The following CASP2 variants were observed in gnomAD, a reference collection of about 807,000 sequenced individuals.
CASP2 encodes the protein caspase-2.
Under a neutral mutation model 54.4 loss-of-function variants are expected in CASP2, and 38 were observed. The observed-to-expected ratio is 0.70, with a 90% CI of 0.54 to 0.92. CASP2 has a LOEUF of 0.92. CASP2 is among the 40% of genes least tolerant of loss of function. The pLI, the probability that CASP2 is intolerant of heterozygous loss-of-function variation, is 0.00. For missense variants in CASP2, 512 were observed against 579.6 expected (o/e 0.88, Z 1.20); for synonymous variants, 215 against 216.3 (o/e 0.99, Z 0.05).
intron 8 of CASP2, chr7:143,300,959 A>G: frequency 1.0e-6 from 1 of 999,876 alleles, no homozygotes; most frequent in African/African-American, 1.7e-5. Context: ...AAATAATAGT[A>G]ATTAAGAGCC....
chr7:143,302,321 C>G (rs1719948039), intron 8 of CASP2: 1 of 152,168 alleles, frequency 6.6e-6, no homozygotes, highest in South Asian at 2.1e-4. Context: ...AGTAATTGCT[C>G]TTTTCTGGAG....
intron 1 of CASP2, among the ~76,000 whole-genome samples, chr7:143,289,976 T>C (rs908630407): frequency 6.6e-6 from 1 of 151,610 alleles, no homozygotes; most frequent in Non-Finnish European, 1.5e-5. Context: ...TCTCACCCAA[T>C]AGCATCTGCA....
intron 8 of CASP2, chr7:143,302,419 T>G (rs4647327): frequency 1.3e-5 from 2 of 152,156 alleles, no homozygotes; most frequent in African/African-American, 4.8e-5. Context: ...CCATTGAAAA[T>G]TTGAGTTCAC....
chr7:143,292,998 G>A (rs897821535), intron 4 of CASP2: 8 of 600,230 alleles, frequency 1.3e-5, no homozygotes, highest in Non-Finnish European at 2.1e-5. Context: ...CCAACAGAGT[G>A]AGACTCAGTC....
intron 4 of CASP2, chr7:143,293,152 GGGTCTT>G: frequency 1.6e-6 from 1 of 643,654 alleles, no homozygotes; most frequent in Non-Finnish European, 2.7e-6. Context: ...TTCAGAAATA[GGGTCTT>G]GTTCTGTCAC....
intron 6 of CASP2, among the ~76,000 whole-genome samples, chr7:143,297,661 G>A (rs1005695690): frequency 3.3e-5 from 5 of 151,936 alleles, no homozygotes; most frequent in Non-Finnish European, 7.4e-5. Context: ...TGGTCAGGCT[G>A]GTCTCAAACT....
intron 6 of CASP2, among the ~76,000 whole-genome samples, chr7:143,295,028 CTTT>C (rs759124235): frequency 7.0e-6 from 1 of 142,474 alleles, no homozygotes; most frequent in African/African-American, 2.6e-5. Context: ...TGGTGTCTCA[CTTT>C]TTTTTTTTTT....
chr7:143,299,063 G>A (rs1315144215), intron 6 of CASP2, among the ~76,000 whole-genome samples: 1 of 151,808 alleles, frequency 6.6e-6, no homozygotes, highest in Non-Finnish European at 1.5e-5. Context: ...AGGCTCCAGT[G>A]ATCCCTCCAC....
intron 4 of CASP2, chr7:143,293,358 C>A: frequency 2.3e-6 from 1 of 427,652 alleles, no homozygotes; most frequent in Non-Finnish European, 4.1e-6. Flanking sequence ...AAACTTCTGG[C>A]CTCAAATGAT....
intron 4 of CASP2, 67 bp downstream of exon 4, chr7:143,292,765 C>G: frequency 7.6e-7 from 1 of 1,316,456 alleles, no homozygotes; most frequent in Non-Finnish European, 1.1e-6. Flanking sequence ...AATCCCAGCA[C>G]TTTGCGGGGC....
intron 1 of CASP2, among the ~76,000 whole-genome samples, chr7:143,289,060 G>T (rs1254664419): frequency 6.6e-6 from 1 of 152,166 alleles, no homozygotes; most frequent in Non-Finnish European, 1.5e-5. Context: ...CAGAACAAGG[G>T]GGTTCCTGTG....
At chr7:143,301,005 C>G in intron 8 of CASP2, 1 of 822,158 alleles carries the variant, frequency 1.2e-6, no homozygotes, top group Non-Finnish European at 1.5e-6. Context: ...TCACCATTTA[C>G]TAGTAACGTG....
Position 143,306,638 on chromosome 7 carries a change from G to C in CASP2, c.*1567G>C, listed in dbSNP as rs995675056. On this transcript the variant is annotated 3_prime_UTR_variant, in exon 11 of 11. Coordinates refer to ENST00000310447, the MANE Select transcript of CASP2 (RefSeq NM_032982.4). The stretch of plus-strand genomic sequence containing the variant: ...TGTTCTCACATAACAGAGTAGTTTT[G>C]GTTTTTAATTTTTTTTGGTTGTTTG... 3 of 149,314 alleles carry C rather than the reference G, an allele frequency of 2.0e-5. No individual in the cohort carries two copies. Among genetic ancestry groups the C allele is most frequent in the Admixed American group, 1.3e-4 (2 of 14,982 alleles). The allele number at this position is 149,314 out of a possible 1,614,324, so 9.2% of individuals were successfully genotyped here. A position where few individuals can be genotyped will look rare whatever the true frequency, so the allele number is the denominator to read the frequency against.
In CASP2 at chr7:143,306,066, T is replaced by C. The variant is rs1327338293; in HGVS notation, c.*995T>C. Reference sequence around the variant, plus strand: ...ACCAAATCTGTCTAGAATCCTGCTTTACAGGATCATGTAAATGCTCAAAGA... The same window carrying C: ...ACCAAATCTGTCTAGAATCCTGCTTCACAGGATCATGTAAATGCTCAAAGA... On this transcript the variant is annotated 3_prime_UTR_variant, in exon 11 of 11. Transcript: ENST00000310447. 1 of 152,204 alleles carries C rather than the reference T, an allele frequency of 6.6e-6. No homozygotes were observed. Among genetic ancestry groups the C allele is most frequent in the African/African-American group, 2.4e-5 (1 of 41,426 alleles). 9.4% of individuals were successfully genotyped at this position (152,204 alleles called of 1,614,324 possible).
Position 143,300,023 on chromosome 7 carries a change from T to C in CASP2, c.848T>C (p.Ile283Thr). 1 of 1,614,072 alleles carries C rather than the reference T, an allele frequency of 6.2e-7. No homozygotes were observed. The highest frequency in any genetic ancestry group is 8.5e-7 in the Non-Finnish European group (1 of 1,180,010). ...CTCTCGCATGGTGTGGAGGGCGCCA[T>C]CTATGGTGTGGATGGGAAACTGCTC... ...ALLSHGVEGA[I>T]YGVDGKLLQL... is the part of the protein sequence containing the mutation. Residue 283 changes from isoleucine to threonine, a missense_variant, in exon 7 of 11, where the codon ATC becomes ACC. By Grantham distance (89) the Ile-to-Thr change is moderately conservative. This residue lies in a region of CASP2 where 417 missense variants were observed against 495.4 expected (regional missense o/e 0.84). Transcript: ENST00000310447.
intron 8 of CASP2, 161 bp from the exon 9 acceptor site, chr7:143,303,623 T>A: frequency 7.5e-6 from 2 of 265,568 alleles, no homozygotes; most frequent in African/African-American, 2.3e-5. Context: ...GAGTAATAAT[T>A]TTTTTTTTTT....
chr7:143,292,476 C>A lies in CASP2; in HGVS notation c.393+9C>A. 6.2e-7 allele frequency: 1 copy of A among 1,614,016 alleles called. No homozygotes were observed. The highest frequency in any genetic ancestry group is 8.5e-7 in the Non-Finnish European group (1 of 1,179,918). On this transcript the variant is annotated intron_variant, in intron 3 of 10. Coordinates refer to ENST00000310447, the MANE Select transcript of CASP2 (RefSeq NM_032982.4). ...AGCATGTACTCCCACCGGTATGAAG[C>A]TTTAGTAATATGGGGTGTTGGGAAG...
Position 143,292,687 on chromosome 7 carries a change from G to A in CASP2, c.464G>A (p.Arg155His), listed in dbSNP as rs144817015. ...CESCPLYKKLRLSTDTVEHSL... is the reference protein window; with the variant it reads ...CESCPLYKKLHLSTDTVEHSL... Reference sequence around the variant, plus strand: ...TCCTGTCCCCTTTACAAGAAGCTCCGCCTGTCGACAGGTGAGAATTGATGG... The same window carrying A: ...TCCTGTCCCCTTTACAAGAAGCTCCACCTGTCGACAGGTGAGAATTGATGG... The change falls in exon 4 of 11, where the codon CGC becomes CAC. Residue 155 changes from arginine to histidine, a missense_variant. Around this residue, in one of 3 missense-constraint regions of CASP2, gnomAD observed 417 missense variants for 495.4 expected, o/e 0.84. Coordinates refer to ENST00000310447, the MANE Select transcript of CASP2 (RefSeq NM_032982.4). The A allele has an allele frequency of 3.7e-5, 59 of 1,612,418 alleles. No homozygotes were observed. Among genetic ancestry groups the A allele is most frequent in the Middle Eastern group, 4.1e-4 (2 of 4,886 alleles).
chr7:143,288,393 G>C lies in CASP2; in HGVS notation c.-63G>C. 7 of 1,538,984 alleles carry C rather than the reference G, an allele frequency of 4.5e-6. No homozygotes were observed. Among genetic ancestry groups the C allele is most frequent in the Non-Finnish European group, 6.3e-6 (7 of 1,118,634 alleles). ...CTGAGGGGAGGGATGTGGGGGAAGC[G>C]ACGGCCCCCGGTTTGTTTGGGCTGT... On this transcript the variant is annotated 5_prime_UTR_variant, in exon 1 of 11. Coordinates refer to ENST00000310447, the MANE Select transcript of CASP2 (RefSeq NM_032982.4).
Sources: allele counts gnomAD v4.1 joint callset (sites outside exome capture counted in the v4.1 genomes callset), GRCh38; gene constraint gnomAD v4.1.1; regional missense constraint gnomAD v4.1.1; transcripts MANE v1.5; gene names NCBI Gene and HGNC (gene_info 2026-07-23, HGNC 2026-07-21).